COA1: variants seen among roughly 807,000 people sequenced by gnomAD.
The protein encoded by COA1 is cytochrome c oxidase assembly factor 1, also known as cytochrome c oxidase assembly factor 1 homolog.
In COA1, 13 loss-of-function variants were observed where a neutral mutation model predicts 16.0. The observed-to-expected ratio is 0.81, with a 90% CI of 0.53 to 1.29. The LOEUF (loss-of-function observed/expected upper bound fraction) is 1.29, where lower values mean the gene tolerates loss of function less well. COA1 is among the 50% of genes most tolerant of loss of function. COA1 has a pLI of 0.00. For missense variants in COA1, 179 were observed against 177.0 expected, an observed-to-expected ratio of 1.01 and a Z score of -0.06; for synonymous variants, 65 against 65.7, an observed-to-expected ratio of 0.99 and a Z score of 0.05.
At chr7:43,652,964 A>C (rs1352082413) in intron 1 of COA1, among the ~76,000 whole-genome samples, 1 of 152,200 alleles carries the variant, frequency 6.6e-6, no homozygotes, top group Non-Finnish European at 1.5e-5. Flanking sequence ...TATAAATTAA[A>C]ATGAAAAAGA....
chr7:43,717,541 C>G (rs899728385), intron 1 of COA1, among the ~76,000 whole-genome samples: 41 of 152,230 alleles, frequency 2.7e-4, no homozygotes, highest in African/African-American at 9.6e-4. Flanking sequence ...TTTGATTTTA[C>G]GGGCTTATAG....
At chr7:43,687,237 C>G (rs1487478972) in intron 1 of COA1, among the ~76,000 whole-genome samples, 2 of 152,142 alleles carry the variant, frequency 1.3e-5, no homozygotes, top group African/African-American at 4.8e-5. Context: ...CATTCATATT[C>G]CAACTTGTTT....
chr7:43,647,690 A>G, intron 2 of COA1, 56 bp from the exon 3 acceptor site: 1 of 1,423,530 alleles, frequency 7.0e-7, no homozygotes, highest in Non-Finnish European at 9.9e-7. Context: ...TGCCAAGGGG[A>G]TTTGCCCGGC....
chr7:43,678,904 C>T (rs1012056331), intron 1 of COA1, among the ~76,000 whole-genome samples: 2 of 152,154 alleles, frequency 1.3e-5, no homozygotes, highest in Non-Finnish European at 2.9e-5. Context: ...ATGGCAGTTC[C>T]TCAAAAAATT....
intron 1 of COA1, among the ~76,000 whole-genome samples, chr7:43,691,260 G>GAAAGA (rs774114457): frequency 0.027 from 912 of 33,306 alleles, 112 homozygotes; most frequent in African/African-American, 0.094. Flanking sequence ...AAAAAAGAAA[G>GAAAGA]AAAGAAAAGA....
At chr7:43,648,500 A>G (rs1238050193) in intron 2 of COA1, 100 bp downstream of exon 2, 2 of 1,229,702 alleles carry the variant, frequency 1.6e-6, no homozygotes, top group Admixed American at 3.4e-5. Flanking sequence ...AGACCAGGAG[A>G]AGCCCATAAC....
At chr7:43,632,726 G>GT (rs1254141467) in intron 6 of COA1, 1 of 152,054 alleles carries the variant, frequency 6.6e-6, no homozygotes, top group Admixed American at 6.5e-5. Flanking sequence ...TTTTGGATTT[G>GT]TTTTTTGAGA....
intron 1 of COA1, among the ~76,000 whole-genome samples, chr7:43,681,816 TTG>T (rs1163389865): frequency 6.6e-6 from 1 of 152,204 alleles, no homozygotes. Flanking sequence ...ATTCTGTAGT[TTG>T]TCTTTTAACA....
chr7:43,705,643 T>C (rs1355516717), intron 1 of COA1, among the ~76,000 whole-genome samples: 2 of 152,124 alleles, frequency 1.3e-5, no homozygotes, highest in African/African-American at 4.8e-5. Flanking sequence ...TAGAGGAGTA[T>C]GGTGTTATGG....
chr7:43,673,861 G>C (rs1419123789), intron 1 of COA1, among the ~76,000 whole-genome samples: 4 of 152,126 alleles, frequency 2.6e-5, no homozygotes, highest in Non-Finnish European at 4.4e-5. Flanking sequence ...GATGGACCTG[G>C]AGGCCATTAT....
intron 3 of COA1, 129 bp downstream of exon 3, chr7:43,647,406 A>G (rs2089661303): frequency 2.8e-6 from 2 of 724,174 alleles, no homozygotes; most frequent in East Asian, 2.7e-5. Context: ...GAAATGGTGG[A>G]CTAGCCTTTA....
intron 1 of COA1, among the ~76,000 whole-genome samples, chr7:43,729,178 G>C (rs969188772): frequency 6.6e-6 from 1 of 152,214 alleles, no homozygotes; most frequent in African/African-American, 2.4e-5. Flanking sequence ...AAAACTGCAG[G>C]ACAAGGTCAA....
chr7:43,707,870 G>A (rs1052691920), intron 1 of COA1, among the ~76,000 whole-genome samples: 3 of 152,140 alleles, frequency 2.0e-5, no homozygotes, highest in Admixed American at 1.3e-4. Context: ...CACCATTTCT[G>A]TGGAAGTAAA....
intron 1 of COA1, among the ~76,000 whole-genome samples, chr7:43,671,671 G>A (rs1194303971): frequency 6.6e-6 from 1 of 152,164 alleles, no homozygotes; most frequent in Non-Finnish European, 1.5e-5. Context: ...CAAACTACGT[G>A]ATATGGTTTG....
At chr7:43,642,651 C>T (rs916421767) in intron 4 of COA1, among the ~76,000 whole-genome samples, 35 of 152,104 alleles carry the variant, frequency 2.3e-4, no homozygotes, top group Admixed American at 1.3e-4. Context: ...TCTGAGGGGC[C>T]AATGTCTGAA....
chr7:43,721,996 C>A (rs1343412031), intron 1 of COA1, among the ~76,000 whole-genome samples: 1 of 152,042 alleles, frequency 6.6e-6, no homozygotes, highest in Non-Finnish European at 1.5e-5. Context: ...TACCATTGCA[C>A]ACCAGAAGTC....
intron 1 of COA1, among the ~76,000 whole-genome samples, chr7:43,662,821 G>A (rs1164809313): frequency 6.6e-6 from 1 of 152,140 alleles, no homozygotes; most frequent in Non-Finnish European, 1.5e-5. Context: ...GGGCCCTGAC[G>A]CCAAAATATT....
intron 1 of COA1, among the ~76,000 whole-genome samples, chr7:43,693,302 AC>A (rs2094433507): frequency 6.6e-6 from 1 of 152,074 alleles, no homozygotes; most frequent in Admixed American, 6.5e-5. Context: ...GGATTAGGAT[AC>A]CCCCAACCTT....
intron 6 of COA1, among the ~76,000 whole-genome samples, chr7:43,634,062 C>G (rs1392230282): frequency 6.6e-6 from 1 of 152,174 alleles, no homozygotes; most frequent in Non-Finnish European, 1.5e-5. Context: ...CTGCCATCTT[C>G]TAAGACTTCC....
Sources: gnomAD v4.1 joint callset for allele counts (sites outside exome capture counted in the v4.1 genomes callset) on GRCh38, gnomAD v4.1.1 for gene constraint, MANE v1.5 for transcripts, NCBI Gene and HGNC (gene_info 2026-07-23, HGNC 2026-07-21) for gene names.